Variants in PCDHGB2 observed in about 807,000 individuals in gnomAD.
PCDHGB2 encodes protocadherin gamma-B2.
In PCDHGB2, 55 loss-of-function variants were observed where a neutral mutation model predicts 59.3. The observed-to-expected ratio is 0.93, with a 90% CI of 0.75 to 1.16. The LOEUF (loss-of-function observed/expected upper bound fraction) is 1.16. Among genes scored for constraint, PCDHGB2 ranks in the 50% most tolerant of loss-of-function variants. PCDHGB2 has a pLI of 0.00. For synonymous variants in PCDHGB2, 516 were observed against 512.0 expected (o/e 1.01, Z -0.11); for missense variants, 1,228 against 1,198.5 (o/e 1.02, Z -0.36).
At chr5:141,390,455 T>C (rs2092151799) in intron 1 of PCDHGB2, 6 of 771,128 alleles carry the variant, frequency 7.8e-6, no homozygotes, top group Non-Finnish European at 1.2e-5. Context: ...AGGAGTAAAG[T>C]AGGAGCAATT....
chr5:141,393,727 A>C, intron 1 of PCDHGB2: 1 of 1,613,852 alleles, frequency 6.2e-7, no homozygotes, highest in Non-Finnish European at 8.5e-7. Flanking sequence ...TCAATAGCAA[A>C]AAGTCTAGAT....
rs1236961370 is a variant in PCDHGB2, at chr5:141,512,621, C to T, written c.*1448C>T. 1 of 152,964 alleles carries T rather than the reference C, an allele frequency of 6.5e-6. No homozygotes were observed. The highest frequency in any genetic ancestry group is 1.5e-5 in the Non-Finnish European group (1 of 68,612). 9.5% of individuals were successfully genotyped at this position (152,964 alleles called of 1,614,324 possible). A position where few individuals can be genotyped will look rare whatever the true frequency, so the allele number is the denominator to read the frequency against. Reference sequence around the variant, plus strand: ...CCATCCAGCGGGGCTGCCAGAGAACCCCAGACCTGCCCTTACAGTAGTGTA... The same window carrying T: ...CCATCCAGCGGGGCTGCCAGAGAACTCCAGACCTGCCCTTACAGTAGTGTA... On this transcript the variant is annotated 3_prime_UTR_variant, in exon 4 of 4. Coordinates refer to ENST00000522605, the MANE Select transcript of PCDHGB2 (RefSeq NM_018923.3).
chr5:141,489,397 G>T lies in PCDHGB2; in HGVS notation c.2422-5410G>T. ...GGTGGGGAATGTTGCTCAGGATCTG[G>T]GCTTAAAGATGACAGATCTGTTGAG... On this transcript the variant is annotated intron_variant, in intron 1 of 3. Coordinates refer to ENST00000522605, the MANE Select transcript of PCDHGB2 (RefSeq NM_018923.3). The surrounding 1 kb of genome is among the most constrained non-coding windows in gnomAD (Gnocchi z 4.5). 2 of 1,614,176 alleles carry T rather than the reference G, an allele frequency of 1.2e-6. No individual in the cohort carries two copies. Among genetic ancestry groups the T allele is most frequent in the Non-Finnish European group, 1.7e-6 (2 of 1,180,038 alleles).
Position 141,375,142 on chromosome 5 carries a change from C to A in PCDHGB2, c.2421+12586C>A, listed in dbSNP as rs772426422. The A allele has an allele frequency of 5.0e-6, 8 of 1,613,910 alleles. No homozygotes were observed. The Admixed American group carries it at 1.3e-4, about 27-fold the overall frequency. ...CAGAAGTGGTTGTTACATCTGGAAG[C>A]AGAACAATTGCTGAAAGTGCACCTC... On this transcript the variant is annotated intron_variant, in intron 1 of 3. Transcript: ENST00000522605.
chr5:141,396,662 G>C (rs1589287769), intron 1 of PCDHGB2: 1 of 151,614 alleles, frequency 6.6e-6, no homozygotes, highest in Admixed American at 6.6e-5. Context: ...ACTCGGTATA[G>C]GCTATCCATT....
Position 141,489,317 on chromosome 5 carries a change from G to T in PCDHGB2, c.2422-5490G>T. ...ATGTTGTCCTTGTGCTGCTGGGGCT[G>T]GGTGTCTGGGCAGCTTCGTTACTCA... is the stretch of plus-strand genomic sequence containing the variant. On this transcript the variant is annotated intron_variant, in intron 1 of 3. Coordinates refer to ENST00000522605, the MANE Select transcript of PCDHGB2 (RefSeq NM_018923.3). The surrounding 1 kb of genome is among the most constrained non-coding windows in gnomAD (Gnocchi z 4.5). 6.3e-7 allele frequency: 1 copy of T among 1,598,654 alleles called. No homozygotes were observed. The highest frequency in any genetic ancestry group is 8.5e-7 in the Non-Finnish European group (1 of 1,171,456).
chr5:141,424,005 C>A, intron 1 of PCDHGB2: 1 of 1,070,322 alleles, frequency 9.3e-7, no homozygotes. Context: ...TATATAGATA[C>A]AAATTAATGA....
chr5:141,375,015 A>C, intron 1 of PCDHGB2: 2 of 1,613,916 alleles, frequency 1.2e-6, no homozygotes. Context: ...GACTATGAGG[A>C]CTCGAGTTTT....
intron 1 of PCDHGB2, among the ~76,000 whole-genome samples, chr5:141,488,115 G>A (rs936010936): frequency 1.4e-4 from 21 of 152,298 alleles, no homozygotes; most frequent in Middle Eastern, 3.4e-3. Flanking sequence ...TTGAAACATA[G>A]AGACAGCAGA....
At chr5:141,423,049 C>T (rs1418805817) in intron 1 of PCDHGB2, 3 of 1,614,094 alleles carry the variant, frequency 1.9e-6, no homozygotes, top group East Asian at 2.2e-5. Flanking sequence ...GCTGTCCTAT[C>T]GCCTGCTTAA....
chr5:141,389,590 G>C (rs1409328445), intron 1 of PCDHGB2: 1 of 1,613,014 alleles, frequency 6.2e-7, no homozygotes, highest in Non-Finnish European at 8.5e-7. Context: ...GGTCCCGACG[G>C]CTCTGCGCTC....
chr5:141,422,360 G>C (rs766368774), intron 1 of PCDHGB2: 1 of 1,559,254 alleles, frequency 6.4e-7, no homozygotes, highest in African/African-American at 1.4e-5. Context: ...CAAGATTCTG[G>C]AGAAAATGGT....
intron 1 of PCDHGB2, among the ~76,000 whole-genome samples, chr5:141,483,459 G>A (rs1214951485): frequency 6.6e-6 from 1 of 152,186 alleles, no homozygotes; most frequent in Non-Finnish European, 1.5e-5. Flanking sequence ...AGGACTTGTT[G>A]ATTGACATGA....
At chr5:141,468,382 G>T (rs1247387630) in intron 1 of PCDHGB2, 1 of 151,194 alleles carries the variant, frequency 6.6e-6, no homozygotes, top group Non-Finnish European at 1.5e-5. Context: ...GCCATACAAG[G>T]CTACCCATTT....
In PCDHGB2 at chr5:141,360,819, C is replaced by A. The variant is rs1761756453; in HGVS notation, c.684C>A (p.Ile228=). The A allele has an allele frequency of 3.7e-6, 6 of 1,613,870 alleles. No individual in the cohort carries two copies. The part of the protein sequence containing the change: ...GDPPQSGTTQ[I]RIKVTDANDN... ...CACCTCAAAGTGGCACGACCCAAAT[C>A]CGAATCAAAGTCACGGATGCCAACG... is the stretch of plus-strand genomic sequence containing the variant. The change falls in exon 1 of 4, where the codon ATC becomes ATA. Residue 228 remains isoleucine (I), a synonymous_variant. Coordinates refer to ENST00000522605, the MANE Select transcript of PCDHGB2 (RefSeq NM_018923.3).
At chr5:141,430,888 T>C (rs1447560622) in intron 1 of PCDHGB2, 5 of 1,605,402 alleles carry the variant, frequency 3.1e-6, no homozygotes, top group Admixed American at 1.7e-5. Context: ...AGAAAGGCTC[T>C]AGGGTGGGCG....
chr5:141,427,921 G>A (rs2097089596), intron 1 of PCDHGB2: 3 of 1,580,128 alleles, frequency 1.9e-6, no homozygotes, highest in African/African-American at 1.3e-5. Flanking sequence ...AACATGAGCC[G>A]GCGCATGTTG....
rs1057374827 is a variant in PCDHGB2, at chr5:141,485,503, C to G, written c.2422-9304C>G. 3.1e-6 allele frequency: 5 copies of G among 1,613,978 alleles called. No homozygotes were observed. Among genetic ancestry groups the G allele is most frequent in the Non-Finnish European group, 4.2e-6 (5 of 1,180,016 alleles). On this transcript the variant is annotated intron_variant, in intron 1 of 3. Coordinates refer to ENST00000522605, the MANE Select transcript of PCDHGB2 (RefSeq NM_018923.3). This position sits in a 1 kb window ranked among gnomAD's most constrained non-coding sequence, Gnocchi z 5.7. ...GCATCGTGCCCCTGGAGTTTGTCACCGAAGGTCCTTTGGAAATGTACCGAG... is the reference window on the plus strand; with the variant it reads ...GCATCGTGCCCCTGGAGTTTGTCACGGAAGGTCCTTTGGAAATGTACCGAG...
chr5:141,439,667 C>T (rs149776177), intron 1 of PCDHGB2, among the ~76,000 whole-genome samples: 2,012 of 152,292 alleles, frequency 0.013, 16 homozygotes, highest in Middle Eastern at 0.034. Context: ...TCATGGAATG[C>T]AAATCCAAGA....
Sources: allele counts gnomAD v4.1 joint callset (sites outside exome capture counted in the v4.1 genomes callset), GRCh38; gene constraint gnomAD v4.1.1; non-coding constraint Gnocchi (gnomAD v3.1); transcripts MANE v1.5; gene names NCBI Gene and HGNC (gene_info 2026-07-23, HGNC 2026-07-21).